The following KIF6 variants were observed in gnomAD, a reference collection of about 807,000 sequenced individuals.
KIF6 encodes the protein kinesin family member 6.
Under a neutral mutation model 112.7 loss-of-function variants are expected in KIF6, and 106 were observed. The ratio of observed to expected loss-of-function variants is 0.94; its 90% CI spans 0.80 to 1.11. The LOEUF (loss-of-function observed/expected upper bound fraction) is 1.11. Ranked by LOEUF, KIF6 falls within the 50% of genes least tolerant of loss-of-function variation. The probability of loss-of-function intolerance (pLI) is 0.00; values close to 1 mark genes in which losing one functional copy is unlikely to be tolerated. For synonymous variants in KIF6, 339 were observed against 339.9 expected (o/e 1.00, Z 0.03); for missense variants, 929 against 964.0 (o/e 0.96, Z 0.48).
intron 13 of KIF6, among the ~76,000 whole-genome samples, chr6:39,441,715 A>T (rs1370271896): frequency 6.6e-6 from 1 of 152,110 alleles, no homozygotes; most frequent in African/African-American, 2.4e-5. Flanking sequence ...GACCAAGGAC[A>T]CTCACTCAAC....
chr6:39,337,453 C>T (rs56179415), intron 22 of KIF6, among the ~76,000 whole-genome samples: 36,232 of 151,302 alleles, frequency 0.24, 4,623 homozygotes, highest in East Asian at 0.46. Flanking sequence ...TCTGGAATTA[C>T]AGGCACCCAC....
Position 39,330,769 on chromosome 6 carries a change from T to C in KIF6, c.*5763A>G, listed in dbSNP as rs1310081598. ...CTGCTTCCTCCTATTCCTTGGGAGA[T>C]GCATTCAGGGCTACACTCAGAGGCC... is the stretch of plus-strand genomic sequence containing the variant. On this transcript the variant is annotated 3_prime_UTR_variant, in exon 23 of 23. Coordinates refer to ENST00000287152, the MANE Select transcript of KIF6 (RefSeq NM_145027.6). 2.0e-5 allele frequency: 3 copies of C among 152,236 alleles called. No individual in the cohort carries two copies. The highest frequency in any genetic ancestry group is 2.9e-5 in the Non-Finnish European group (2 of 68,038). 9.4% of individuals were successfully genotyped at this position (152,236 alleles called of 1,614,324 possible).
At chr6:39,575,235 G>A (rs1427429446) in intron 10 of KIF6, among the ~76,000 whole-genome samples, 1 of 151,890 alleles carries the variant, frequency 6.6e-6, no homozygotes, top group African/African-American at 2.4e-5. Flanking sequence ...GGGATGAGGG[G>A]CTGAAGCAGC....
chr6:39,451,889 A>AT (rs1221658689), intron 13 of KIF6, among the ~76,000 whole-genome samples: 2 of 152,212 alleles, frequency 1.3e-5, no homozygotes, highest in Non-Finnish European at 2.9e-5. Context: ...ATCTGTCCAG[A>AT]AGAGCTTACT....
chr6:39,472,696 G>GA (rs933885489), intron 13 of KIF6, among the ~76,000 whole-genome samples: 3 of 152,128 alleles, frequency 2.0e-5, no homozygotes, highest in African/African-American at 7.2e-5. Context: ...TGACCTTGCA[G>GA]AAAAATAAAA....
chr6:39,634,200 A>G (rs1377250707), intron 5 of KIF6, among the ~76,000 whole-genome samples: 1 of 152,202 alleles, frequency 6.6e-6, no homozygotes, highest in Non-Finnish European at 1.5e-5. Context: ...ATGTCTGAAC[A>G]AAAGTATATG....
intron 3 of KIF6, among the ~76,000 whole-genome samples, chr6:39,654,276 C>T (rs1478288344): frequency 6.6e-6 from 1 of 152,078 alleles, no homozygotes. Flanking sequence ...TTCCCCAGCT[C>T]CTCTCTCCAC....
At chr6:39,565,037 T>C (rs1207826567) in intron 10 of KIF6, among the ~76,000 whole-genome samples, 2 of 152,244 alleles carry the variant, frequency 1.3e-5, no homozygotes, top group Admixed American at 1.3e-4. Flanking sequence ...AGTATCCATA[T>C]TGTACTGAGA....
At chr6:39,709,061 A>G (rs913817512) in intron 3 of KIF6, among the ~76,000 whole-genome samples, 1 of 152,218 alleles carries the variant, frequency 6.6e-6, no homozygotes, top group Non-Finnish European at 1.5e-5. Context: ...CAACCCAAAT[A>G]GATTTCAAAG....
chr6:39,371,637 G>T (rs1367485224), intron 16 of KIF6, among the ~76,000 whole-genome samples: 4 of 151,432 alleles, frequency 2.6e-5, no homozygotes, highest in Non-Finnish European at 1.5e-5. Context: ...TATCTCTGGG[G>T]TGCTCTCCCT....
In KIF6 at chr6:39,583,674, CTTTTTTTTTTTTTTTTTTTTT is replaced by C. The variant is rs564229262; in HGVS notation, c.1077+1203_1077+1223del. On this transcript the variant is annotated intron_variant, in intron 9 of 22. Coordinates refer to ENST00000287152, the MANE Select transcript of KIF6 (RefSeq NM_145027.6). ...AAACACTGTTGGTAGGATTTCACTT[CTTTTTTTTTTTTTTTTTTTTT>C]TTTTTTTTTTTTTTTACAGTGCAGA... Among the ~76,000 whole-genome samples, 550 of 71,722 alleles carry C rather than the reference CTTTTTTTTTTTTTTTTTTTTT, an allele frequency of 7.7e-3. 7 individuals are homozygous for C. Among genetic ancestry groups the C allele is most frequent in the Middle Eastern group, 0.023 (3 of 132 alleles). The allele number at this position is 71,722 out of a possible 152,430, so 47.1% of individuals were successfully genotyped here.
At chr6:39,337,240 T>C (rs1763075167) in intron 22 of KIF6, among the ~76,000 whole-genome samples, 1 of 112,388 alleles carries the variant, frequency 8.9e-6, no homozygotes, top group African/African-American at 5.0e-5. Context: ...TCTTTCTTTT[T>C]CTTTCTTTTC....
chr6:39,539,122 A>T (rs1481420436), intron 13 of KIF6, among the ~76,000 whole-genome samples: 2 of 150,910 alleles, frequency 1.3e-5, no homozygotes, highest in Non-Finnish European at 3.0e-5. Context: ...ATGCTAAATG[A>T]CAAGTTAATG....
intron 3 of KIF6, among the ~76,000 whole-genome samples, chr6:39,649,702 G>GT (rs1459889345): frequency 6.7e-6 from 1 of 149,246 alleles, no homozygotes; most frequent in Non-Finnish European, 1.5e-5. Flanking sequence ...CAGATAAATG[G>GT]TAAGAGTAAC....
chr6:39,613,405 T>C (rs1783332256), intron 5 of KIF6, 87 bp from the exon 6 acceptor site: 3 of 1,025,718 alleles, frequency 2.9e-6, no homozygotes, highest in African/African-American at 3.3e-5. Flanking sequence ...AAAAGCTGTA[T>C]AGTATGACGT....
At chr6:39,346,140 T>TCTCC (rs1562113534) in intron 20 of KIF6, among the ~76,000 whole-genome samples, 24 of 114,662 alleles carry the variant, frequency 2.1e-4, no homozygotes, top group African/African-American at 7.1e-4. Context: ...TCCCTCTCTC[T>TCTCC]CTCTCTCTCT....
chr6:39,338,773 G>A (rs999869148), intron 22 of KIF6, among the ~76,000 whole-genome samples: 46 of 152,286 alleles, frequency 3.0e-4, no homozygotes, highest in African/African-American at 9.1e-4. Flanking sequence ...CTGGGGGCCC[G>A]TGGGCACGTG....
intron 13 of KIF6, among the ~76,000 whole-genome samples, chr6:39,533,175 A>G (rs1227155003): frequency 6.6e-6 from 1 of 152,216 alleles, no homozygotes; most frequent in Non-Finnish European, 1.5e-5. Flanking sequence ...CAGTGGGTGT[A>G]GTGCACCGTG....
At chr6:39,520,771 C>A (rs79920722) in intron 13 of KIF6, among the ~76,000 whole-genome samples, 1 of 152,158 alleles carries the variant, frequency 6.6e-6, no homozygotes, top group African/African-American at 2.4e-5. Flanking sequence ...CAGTGGAAAA[C>A]GGCTTCTTGC....
Sources: allele counts gnomAD v4.1 joint callset (sites outside exome capture counted in the v4.1 genomes callset), GRCh38; gene constraint gnomAD v4.1.1; transcripts MANE v1.5; gene names NCBI Gene and HGNC (gene_info 2026-07-23, HGNC 2026-07-21).